The following CADM2 variants were observed in gnomAD, a reference collection of about 807,000 sequenced individuals.
CADM2 encodes the protein immunoglobulin superfamily member 4D.
A neutral mutation model predicts 49.8 loss-of-function variants in CADM2; 12 were observed. The ratio of observed to expected loss-of-function variants is 0.24; its 90% CI spans 0.15 to 0.39. The LOEUF is 0.39. CADM2 is among the 10% of genes least tolerant of loss of function. The pLI, the probability that CADM2 is intolerant of heterozygous loss-of-function variation, is 1.00. For synonymous variants in CADM2, 214 were observed against 175.4 expected, an observed-to-expected ratio of 1.22 and a Z score of -1.74; for missense variants, 378 against 492.3, an observed-to-expected ratio of 0.77 and a Z score of 2.20.
intron 1 of CADM2, among the ~76,000 whole-genome samples, chr3:85,479,375 T>C (rs1323686179): frequency 6.6e-6 from 1 of 151,906 alleles, no homozygotes; most frequent in Non-Finnish European, 1.5e-5. Context: ...GTGCCTATGA[T>C]ATACCAAGCT....
chr3:85,714,048 T>C (rs2067202153), intron 1 of CADM2, among the ~76,000 whole-genome samples: 1 of 152,186 alleles, frequency 6.6e-6, no homozygotes, highest in African/African-American at 2.4e-5. Flanking sequence ...AACCAAGCAA[T>C]TCTTGACCAT....
At chr3:85,134,378 G>A (rs575902839) in intron 1 of CADM2, among the ~76,000 whole-genome samples, 65 of 152,348 alleles carry the variant, frequency 4.3e-4, no homozygotes, top group Non-Finnish European at 3.5e-4. Context: ...AGGAGGCGCC[G>A]AGAGCGAGCG....
chr3:85,222,625 G>T (rs1211517865), intron 1 of CADM2, among the ~76,000 whole-genome samples: 2 of 152,062 alleles, frequency 1.3e-5, no homozygotes, highest in African/African-American at 4.8e-5. Flanking sequence ...GGAGGACTTG[G>T]AATAATAAAA....
intron 1 of CADM2, among the ~76,000 whole-genome samples, chr3:85,471,983 G>C (rs1419013067): frequency 6.6e-6 from 1 of 151,740 alleles, no homozygotes. Flanking sequence ...CAATCTCTAC[G>C]TAAGTGTAGT....
intron 1 of CADM2, among the ~76,000 whole-genome samples, chr3:85,376,270 G>A (rs1559808261): frequency 6.6e-6 from 1 of 152,028 alleles, no homozygotes. Flanking sequence ...ATCCCAATGG[G>A]ATTTAATAAC....
At chr3:85,677,113 G>A (rs373957410) in intron 1 of CADM2, among the ~76,000 whole-genome samples, 11 of 152,024 alleles carry the variant, frequency 7.2e-5, no homozygotes, top group Non-Finnish European at 1.5e-4. Context: ...CTGTTCACAC[G>A]TATTGACCTT....
chr3:85,453,826 A>T (rs1268888445), intron 1 of CADM2, among the ~76,000 whole-genome samples: 2 of 152,168 alleles, frequency 1.3e-5, no homozygotes, highest in African/African-American at 4.8e-5. Flanking sequence ...TAATAGTCAC[A>T]ATTTTTGCAT....
At chr3:85,438,087 G>A (rs890657957) in intron 1 of CADM2, among the ~76,000 whole-genome samples, 3 of 151,840 alleles carry the variant, frequency 2.0e-5, no homozygotes, top group Non-Finnish European at 4.4e-5. Flanking sequence ...AAAATAATGT[G>A]ATTGGAATAC....
At chr3:85,077,256 T>C (rs1012578290) in intron 1 of CADM2, among the ~76,000 whole-genome samples, 1 of 152,176 alleles carries the variant, frequency 6.6e-6, no homozygotes, top group African/African-American at 2.4e-5. Context: ...AATGTTCCTA[T>C]ATTATAAAAC....
At chr3:85,007,676 A>G (rs2033800391) in intron 1 of CADM2, among the ~76,000 whole-genome samples, 2 of 152,212 alleles carry the variant, frequency 1.3e-5, no homozygotes, top group South Asian at 2.1e-4. Flanking sequence ...TTCTGAACAC[A>G]AACACAAAAA....
intron 5 of CADM2, among the ~76,000 whole-genome samples, chr3:85,894,606 C>T (rs1714962757): frequency 1.3e-5 from 2 of 152,136 alleles, no homozygotes; most frequent in African/African-American, 4.8e-5. Flanking sequence ...GTCTCCAGGG[C>T]ATGTCAGAGA....
chr3:85,811,047 A>G (rs780492156), intron 3 of CADM2, among the ~76,000 whole-genome samples: 25 of 152,348 alleles, frequency 1.6e-4, no homozygotes, highest in Admixed American at 2.6e-4. Flanking sequence ...CAACATGTTA[A>G]GCTGTAAGCA....
intron 1 of CADM2, among the ~76,000 whole-genome samples, chr3:85,089,951 C>T (rs1406664918): frequency 6.6e-6 from 1 of 151,900 alleles, no homozygotes; most frequent in South Asian, 2.1e-4. Flanking sequence ...CTCTGGATTT[C>T]CTTGTTGCTG....
intron 2 of CADM2, among the ~76,000 whole-genome samples, chr3:85,785,789 G>A (rs922129124): frequency 2.4e-4 from 36 of 152,020 alleles, no homozygotes; most frequent in Admixed American, 1.6e-3. Flanking sequence ...CCGGCTATTC[G>A]AAATTCTTCC....
intron 8 of CADM2, among the ~76,000 whole-genome samples, chr3:86,012,144 A>G (rs972902601): frequency 6.6e-6 from 1 of 152,176 alleles, no homozygotes; most frequent in African/African-American, 2.4e-5. Context: ...CCACATAACT[A>G]TAACTCATAT....
intron 1 of CADM2, among the ~76,000 whole-genome samples, chr3:85,150,313 TG>T (rs1436829357): frequency 6.6e-6 from 1 of 152,094 alleles, no homozygotes. Flanking sequence ...AATTCCAGAG[TG>T]TATGGTCTTT....
At chr3:85,231,807 A>C (rs1240450466) in intron 1 of CADM2, among the ~76,000 whole-genome samples, 1 of 150,816 alleles carries the variant, frequency 6.6e-6, no homozygotes, top group East Asian at 2.0e-4. Context: ...CTGCCCCCCA[A>C]GTTCAAGTGA....
At chr3:85,548,460 T>G (rs1346460697) in intron 1 of CADM2, among the ~76,000 whole-genome samples, 1 of 152,032 alleles carries the variant, frequency 6.6e-6, no homozygotes, top group South Asian at 2.1e-4. Flanking sequence ...TAGTAAGAGC[T>G]CGACAGTCTA....
intron 8 of CADM2, among the ~76,000 whole-genome samples, chr3:86,009,953 G>A (rs1221748529): frequency 6.6e-6 from 1 of 151,816 alleles, no homozygotes; most frequent in Non-Finnish European, 1.5e-5. Context: ...TGTTTAGGTA[G>A]TACCCTAAAT....
Sources: allele counts gnomAD v4.1 joint callset (sites outside exome capture counted in the v4.1 genomes callset), GRCh38; gene constraint gnomAD v4.1.1; transcripts MANE v1.5; gene names NCBI Gene and HGNC (gene_info 2026-07-23, HGNC 2026-07-21).